Variants in ATE1 observed in about 807,000 individuals in gnomAD.
ATE1 encodes arginyl-tRNA--protein transferase 1.
In ATE1, 36 loss-of-function variants were observed where a neutral mutation model predicts 70.5. That is an observed-to-expected ratio of 0.51 (90% CI 0.39 to 0.67). ATE1 has a LOEUF of 0.67. Among genes scored for constraint, ATE1 ranks in the 30% least tolerant of loss-of-function variants. The pLI is 0.00. For missense variants in ATE1, 593 were observed against 629.5 expected (o/e 0.94, Z 0.62); for synonymous variants, 232 against 219.3 (o/e 1.06, Z -0.51).
intron 10 of ATE1, among the ~76,000 whole-genome samples, chr10:121,819,679 CAAAAAAAA>C (rs57035123): frequency 1.1e-4 from 6 of 52,722 alleles, no homozygotes; most frequent in African/African-American, 4.4e-4. Flanking sequence ...AAGACTGTCT[CAAAAAAAA>C]AAAAAAAAAA....
intron 11 of ATE1, among the ~76,000 whole-genome samples, chr10:121,747,719 C>T (rs1252589610): frequency 6.6e-6 from 1 of 152,188 alleles, no homozygotes; most frequent in Non-Finnish European, 1.5e-5. Context: ...TGCTTAGATC[C>T]TGATACACAT....
chr10:121,768,558 T>C (rs1945371117), intron 11 of ATE1, among the ~76,000 whole-genome samples: 1 of 152,134 alleles, frequency 6.6e-6, no homozygotes, highest in East Asian at 1.9e-4. Context: ...AATGGCCTGC[T>C]GTAGCCCTAA....
intron 10 of ATE1, among the ~76,000 whole-genome samples, chr10:121,833,573 A>T (rs1269084196): frequency 6.7e-6 from 1 of 149,966 alleles, no homozygotes; most frequent in Admixed American, 6.7e-5. Flanking sequence ...AGAGTCCAGT[A>T]GAGATTACTG....
chr10:121,909,794 C>T (rs1187068028), intron 5 of ATE1, among the ~76,000 whole-genome samples: 1 of 152,134 alleles, frequency 6.6e-6, no homozygotes, highest in African/African-American at 2.4e-5. Context: ...TGCCTGTAAT[C>T]TCAGCACTTT....
rs1291414971 is a variant in ATE1, at chr10:121,870,055, A to C, written c.943-17T>G. 1 of 1,608,286 alleles carries C rather than the reference A, an allele frequency of 6.2e-7. No homozygotes were observed. The highest frequency in any genetic ancestry group is 2.2e-5 in the East Asian group (1 of 44,766). ...TCTTGTGAACTGCAGTCAAATTTGA[A>C]CAGAATCCATTTCATCCAGTAAACA... On this transcript the variant is annotated splice_polypyrimidine_tract_variant and intron_variant, in intron 7 of 11. Transcript: ENST00000224652.
At chr10:121,856,177 C>T (rs927030710) in intron 8 of ATE1, among the ~76,000 whole-genome samples, 1 of 151,482 alleles carries the variant, frequency 6.6e-6, no homozygotes, top group East Asian at 1.9e-4. Context: ...AAAAAGTTAT[C>T]GCTTTTCTCA....
At chr10:121,891,507 G>A (rs1229824648) in intron 7 of ATE1, among the ~76,000 whole-genome samples, 1 of 152,112 alleles carries the variant, frequency 6.6e-6, no homozygotes, top group Non-Finnish European at 1.5e-5. Context: ...ACTCCTCAGG[G>A]TGCTTTCTGT....
intron 11 of ATE1, among the ~76,000 whole-genome samples, chr10:121,778,935 T>A (rs961028743): frequency 3.9e-5 from 6 of 152,114 alleles, no homozygotes; most frequent in Admixed American, 2.6e-4. Flanking sequence ...AAAACGTGGA[T>A]GTTGTCTTGG....
intron 11 of ATE1, among the ~76,000 whole-genome samples, chr10:121,777,810 C>T (rs1564829426): frequency 6.6e-6 from 1 of 152,056 alleles, no homozygotes; most frequent in Non-Finnish European, 1.5e-5. Context: ...AAATGTAATT[C>T]ATTATGTTTA....
intron 7 of ATE1, among the ~76,000 whole-genome samples, chr10:121,886,746 T>C (rs1192337820): frequency 2.6e-5 from 4 of 152,216 alleles, no homozygotes; most frequent in African/African-American, 9.6e-5. Context: ...TTTATATCAA[T>C]TAGCCTAGGG....
Position 121,743,392 on chromosome 10 carries a change from A to G in ATE1, c.*288T>C. On this transcript the variant is annotated 3_prime_UTR_variant, in exon 12 of 12. Transcript: ENST00000224652. ...ACTTAGATTCACTTCTTCATTTTAC[A>G]AAATACAAACAGGAGAATTTGAGCG... 2.8e-6 allele frequency: 1 copy of G among 359,468 alleles called. No homozygotes were observed. Among genetic ancestry groups the G allele is most frequent in the Non-Finnish European group, 4.2e-6 (1 of 235,548 alleles). 22.3% of individuals were successfully genotyped at this position (359,468 alleles called of 1,614,324 possible). A position where few individuals can be genotyped will look rare whatever the true frequency, so the allele number is the denominator to read the frequency against.
At position 121,790,284 on chromosome 10, in the gene ATE1, C is replaced by T. The variant is rs1564840015; in HGVS notation, c.1263G>A (p.Gln421=). 2.5e-6 allele frequency: 4 copies of T among 1,613,274 alleles called. No individual in the cohort carries two copies. Among genetic ancestry groups the T allele is most frequent in the South Asian group, 1.1e-5 (1 of 90,854 alleles). Reference sequence around the variant, plus strand: ...GGCACAGCAAATCAGAAGGTCTATACTGACCCTGAAGAAAAGTGAAGGAAA... The same window carrying T: ...GGCACAGCAAATCAGAAGGTCTATATTGACCCTGAAGAAAAGTGAAGGAAA... ...HSCPKMKYKG[Q]YRPSDLLCPE... The change falls in exon 11 of 12, where the codon CAG becomes CAA. Residue 421 remains glutamine, a synonymous_variant. Coordinates refer to ENST00000224652, the MANE Select transcript of ATE1 (RefSeq NM_001001976.3).
intron 10 of ATE1, among the ~76,000 whole-genome samples, chr10:121,832,182 T>C (rs558730492): frequency 9.1e-4 from 138 of 152,302 alleles, no homozygotes; most frequent in African/African-American, 3.2e-3. Context: ...CACTGAGTAT[T>C]AGATTGCCAT....
chr10:121,831,810 C>T (rs1948248839), intron 10 of ATE1, among the ~76,000 whole-genome samples: 1 of 152,158 alleles, frequency 6.6e-6, no homozygotes, highest in Admixed American at 6.5e-5. Context: ...TTTCTACCAA[C>T]CCAAACCAGC....
chr10:121,747,194 T>C (rs989407819), intron 11 of ATE1, among the ~76,000 whole-genome samples: 1 of 152,210 alleles, frequency 6.6e-6, no homozygotes, highest in Non-Finnish European at 1.5e-5. Context: ...TCGTTTTCTA[T>C]TGTTAATTTG....
chr10:121,902,836 C>T (rs576994700), intron 5 of ATE1, among the ~76,000 whole-genome samples: 1 of 152,212 alleles, frequency 6.6e-6, no homozygotes, highest in African/African-American at 2.4e-5. Flanking sequence ...AGCACAGAAA[C>T]TTTCCAAGGT....
Position 121,841,091 on chromosome 10 carries a change from G to C in ATE1, c.1148C>G (p.Ser383Cys). Residue 383 changes from serine to cysteine, a missense_variant, in exon 9 of 12, where the codon TCT becomes TGT. By Grantham distance (112) the Ser-to-Cys change is moderately radical (BLOSUM62 -1). Transcript: ENST00000224652. Reference protein sequence around the residue: ...DYSFLSLGVYSALREIAFTRQ... With the variant: ...DYSFLSLGVYCALREIAFTRQ... ...CAAAAAGCAATCTTACCGTAGTGCA[G>C]AGTAGACGCCCAAAGACAAAAACGA... 6.4e-7 allele frequency: 1 copy of C among 1,560,192 alleles called. No individual in the cohort carries two copies. Among genetic ancestry groups the C allele is most frequent in the East Asian group, 2.3e-5 (1 of 43,472 alleles).
chr10:121,895,864 G>A (rs1414753158), intron 7 of ATE1, among the ~76,000 whole-genome samples: 1 of 151,512 alleles, frequency 6.6e-6, no homozygotes, highest in Admixed American at 6.6e-5. Flanking sequence ...GCTGCAGTAA[G>A]CCAATATGGC....
At position 121,741,879 on chromosome 10, in the gene ATE1, G is replaced by C. The variant is rs981949735; in HGVS notation, c.*1801C>G. 2 of 152,136 alleles carry C rather than the reference G, an allele frequency of 1.3e-5. No individual in the cohort carries two copies. Among genetic ancestry groups the C allele is most frequent in the Non-Finnish European group, 2.9e-5 (2 of 68,018 alleles). The allele number at this position is 152,136 out of a possible 1,614,324, so 9.4% of individuals were successfully genotyped here. A position where few individuals can be genotyped will look rare whatever the true frequency, so the allele number is the denominator to read the frequency against. On this transcript the variant is annotated 3_prime_UTR_variant, in exon 12 of 12. Transcript: ENST00000224652. ...TTCTTTTCTCCTTCTGAGTATGGTA[G>C]GGTTGTAGATGATTTTTACTTTTTA...
Sources: allele counts gnomAD v4.1 joint callset (sites outside exome capture counted in the v4.1 genomes callset), GRCh38; gene constraint gnomAD v4.1.1; transcripts MANE v1.5; gene names NCBI Gene and HGNC (gene_info 2026-07-23, HGNC 2026-07-21).